WDPCP: variants seen among roughly 807,000 people sequenced by gnomAD.
WDPCP encodes the protein WD repeat containing planar cell polarity effector.
A neutral mutation model predicts 93.1 loss-of-function variants in WDPCP; 71 were observed. The ratio of observed to expected loss-of-function variants is 0.76; its 90% CI spans 0.63 to 0.93. The LOEUF (loss-of-function observed/expected upper bound fraction) is 0.93, where lower values mean the gene tolerates loss of function less well. Ranked by LOEUF, WDPCP falls within the 40% of genes least tolerant of loss-of-function variation. The pLI, the probability that WDPCP is intolerant of heterozygous loss-of-function variation, is 0.00. For synonymous variants in WDPCP, 315 were observed against 315.0 expected, an observed-to-expected ratio of 1.00 and a Z score of 0.00; for missense variants, 844 against 887.4, an observed-to-expected ratio of 0.95 and a Z score of 0.62.
Position 63,486,739 on chromosome 2 carries a change from A to G in WDPCP, c.209-153T>C, listed in dbSNP as rs543183102. 5.0e-4 allele frequency among the ~76,000 whole-genome samples: 76 copies of G among 152,094 alleles called. 1 individual carries two copies. The highest frequency in any genetic ancestry group is 1.2e-4 in the Non-Finnish European group (8 of 67,934). ...TAAATTATGCTTAGGTTCTAAAAGGACAGTTGAAAAAAATGCCATAATTTG... is the reference window on the plus strand; with the variant it reads ...TAAATTATGCTTAGGTTCTAAAAGGGCAGTTGAAAAAAATGCCATAATTTG... On this transcript the variant is annotated intron_variant, in intron 3 of 17. Coordinates refer to ENST00000272321, the MANE Select transcript of WDPCP (RefSeq NM_015910.7).
At chr2:63,637,749 G>A (rs563012727) in intron 3 of WDPCP, among the ~76,000 whole-genome samples, 1 of 152,274 alleles carries the variant, frequency 6.6e-6, no homozygotes, top group East Asian at 1.9e-4. Flanking sequence ...TCTCACATCT[G>A]TTAGGATGTC....
In WDPCP at chr2:63,120,154, T is replaced by C. The variant is rs1484751582; in HGVS notation, c.*1852A>G. Among the ~76,000 whole-genome samples, 1 of 152,184 alleles carries C rather than the reference T, an allele frequency of 6.6e-6. No individual in the cohort carries two copies. Among genetic ancestry groups the C allele is most frequent in the East Asian group, 1.9e-4 (1 of 5,204 alleles). On this transcript the variant is annotated 3_prime_UTR_variant, in exon 18 of 18. Transcript: ENST00000272321. ...TTTACCCGGAAAATCTGGAGAAAAT[T>C]CTGCAATCTTGACAAAACCCTATTT... is the stretch of plus-strand genomic sequence containing the variant.
chr2:63,372,885 A>G (rs1163566580), intron 12 of WDPCP, among the ~76,000 whole-genome samples: 2 of 152,104 alleles, frequency 1.3e-5, no homozygotes, highest in Non-Finnish European at 2.9e-5. Context: ...GCACTTTGGG[A>G]GGCCGAGGCG....
chr2:63,438,626 G>A (rs1318748930), intron 7 of WDPCP, among the ~76,000 whole-genome samples: 2 of 151,968 alleles, frequency 1.3e-5, no homozygotes, highest in Admixed American at 6.6e-5. Flanking sequence ...CCTTACTCCT[G>A]TAAGGAAGGG....
intron 2 of WDPCP, chr2:63,717,668 A>G (rs956818451): frequency 5.9e-6 from 3 of 505,720 alleles, no homozygotes; most frequent in Admixed American, 4.1e-5. Context: ...TTCTGTCCAA[A>G]ATCCTCTTAG....
chr2:63,198,544 G>A (rs1675639000), intron 14 of WDPCP, among the ~76,000 whole-genome samples: 1 of 152,286 alleles, frequency 6.6e-6, no homozygotes, highest in South Asian at 2.1e-4. Context: ...GGAGGTGATT[G>A]GATCATGGAG....
chr2:63,793,906 GTGTA>G (rs1366779504), intron 2 of WDPCP, among the ~76,000 whole-genome samples: 1 of 144,388 alleles, frequency 6.9e-6, no homozygotes, highest in Non-Finnish European at 1.5e-5. Context: ...GTGTGTGTGT[GTGTA>G]TCATATTGCC....
At chr2:63,513,298 A>C (rs1702353159) in intron 1 of WDPCP, among the ~76,000 whole-genome samples, 1 of 152,202 alleles carries the variant, frequency 6.6e-6, no homozygotes, top group Admixed American at 6.5e-5. Context: ...CGTTAGAAAA[A>C]TGTAAACATA....
intron 1 of WDPCP, among the ~76,000 whole-genome samples, chr2:63,566,155 G>T (rs776646077): frequency 1.3e-5 from 2 of 152,174 alleles, no homozygotes; most frequent in Non-Finnish European, 2.9e-5. Context: ...TTATACGTCT[G>T]TGAAAAGAAA....
At position 63,366,199 on chromosome 2, in the gene WDPCP, C is replaced by G. The variant is rs753377689; in HGVS notation, c.1748+12187G>C. 4.6e-5 allele frequency among the ~76,000 whole-genome samples: 7 copies of G among 152,020 alleles called. No homozygotes were observed. In the East Asian group the frequency reaches 9.6e-4, roughly 21 times the overall value. On this transcript the variant is annotated intron_variant, in intron 12 of 17. Coordinates refer to ENST00000272321, the MANE Select transcript of WDPCP (RefSeq NM_015910.7). ...CATTTTGTTTCAAAATATATATTGT[C>G]AATGAAGGGCAGCATCACCTTCAAG...
At chr2:63,836,825 C>T in the WDPCP span, among the ~76,000 whole-genome samples, 3 of 152,212 alleles carry the variant, frequency 2.0e-5, no homozygotes, top group Non-Finnish European at 4.4e-5. Flanking sequence ...CTTCCTTCAA[C>T]TTTCAAAGGA....
intron 1 of WDPCP, among the ~76,000 whole-genome samples, chr2:63,578,038 C>T (rs867132615): frequency 6.6e-6 from 1 of 152,082 alleles, no homozygotes; most frequent in African/African-American, 2.4e-5. Context: ...CACAGAAATA[C>T]TGAATAGCTC....
intron 1 of WDPCP, among the ~76,000 whole-genome samples, chr2:63,559,542 A>C (rs1243488462): frequency 6.6e-6 from 1 of 152,224 alleles, no homozygotes; most frequent in African/African-American, 2.4e-5. Flanking sequence ...TCAGCCCAAA[A>C]GTGTCTTAGG....
At chr2:63,753,772 G>C (rs1669916589) in intron 2 of WDPCP, among the ~76,000 whole-genome samples, 1 of 152,134 alleles carries the variant, frequency 6.6e-6, no homozygotes, top group Non-Finnish European at 1.5e-5. Context: ...TCCAACACTA[G>C]AAATTACAAT....
Position 63,826,243 on chromosome 2 carries a change from A to C in WDPCP, n.222+1379T>G, listed in dbSNP as rs56353821. Among the ~76,000 whole-genome samples, 2 of 152,006 alleles carry C rather than the reference A, an allele frequency of 1.3e-5. 1 individual carries two copies. Among genetic ancestry groups the C allele is most frequent in the Middle Eastern group, 6.8e-3 (2 of 294 alleles). ...GTATCCTATTTTTTCTTTTTTGCCT[A>C]CTAGGAGAGTTTTTGCTTTGCTTAA... On this transcript the variant is annotated intron_variant and non_coding_transcript_variant, in intron 1 of 4. Coordinates refer to the WDPCP transcript ENST00000467687.
intron 1 of WDPCP, among the ~76,000 whole-genome samples, chr2:63,558,540 A>G (rs1016324654): frequency 4.9e-4 from 72 of 148,314 alleles, no homozygotes; most frequent in African/African-American, 1.5e-3. Flanking sequence ...AAAAAAAAAA[A>G]AAAAAGAAAA....
At chr2:63,778,217 T>C (rs1670333312) in intron 2 of WDPCP, among the ~76,000 whole-genome samples, 1 of 120,986 alleles carries the variant, frequency 8.3e-6, no homozygotes. Context: ...TTTTGTTTTT[T>C]GTTTTTTTGA....
At chr2:63,623,210 C>G (rs1450212645) in intron 3 of WDPCP, among the ~76,000 whole-genome samples, 2 of 152,172 alleles carry the variant, frequency 1.3e-5, no homozygotes, top group Non-Finnish European at 2.9e-5. Flanking sequence ...AAAGGAAAAA[C>G]TGGTACCTGC....
chr2:63,646,930 C>T lies in WDPCP; in HGVS notation n.488+3729G>A, dbSNP rs540625579. Among the ~76,000 whole-genome samples the T allele has an allele frequency of 1.4e-3, 216 of 152,158 alleles. 2 individuals carry two copies. The South Asian group carries it at 0.018, about 13-fold the overall frequency. ...CTTGGTGTTCTATAATCTTCTTGTACTTGGATATTGAGATCTTTCTCTAGG... is the reference window on the plus strand; with the variant it reads ...CTTGGTGTTCTATAATCTTCTTGTATTTGGATATTGAGATCTTTCTCTAGG... On this transcript the variant is annotated intron_variant and non_coding_transcript_variant, in intron 3 of 4. Coordinates refer to the WDPCP transcript ENST00000467687.
Sources: allele counts gnomAD v4.1 joint callset (sites outside exome capture counted in the v4.1 genomes callset), GRCh38; gene constraint gnomAD v4.1.1; transcripts MANE v1.5; gene names NCBI Gene and HGNC (gene_info 2026-07-23, HGNC 2026-07-21).